CCN4: variants seen among roughly 807,000 people sequenced by gnomAD.
CCN4 encodes CCN family member 4.
CCN4 carries 30 observed loss-of-function variants against 36.7 expected under a neutral mutation model. That is an observed-to-expected ratio of 0.82 (90% CI 0.61 to 1.11). The LOEUF (loss-of-function observed/expected upper bound fraction) is 1.11. Ranked by LOEUF, CCN4 falls within the 50% of genes least tolerant of loss-of-function variation. The probability of loss-of-function intolerance (pLI) is 0.00; values close to 1 mark genes in which losing one functional copy is unlikely to be tolerated. For missense variants in CCN4, 505 were observed against 504.9 expected (o/e 1.00, Z 0.00); for synonymous variants, 191 against 195.4 (o/e 0.98, Z 0.19).
At position 133,229,361 on chromosome 8, in the gene CCN4, C is replaced by A. The variant is rs1854870053; in HGVS notation, c.*1651C>A. The A allele has an allele frequency of 6.6e-6, 1 of 152,190 alleles. No homozygotes were observed. Among genetic ancestry groups the A allele is most frequent in the Non-Finnish European group, 1.5e-5 (1 of 68,038 alleles). 9.4% of individuals were successfully genotyped at this position (152,190 alleles called of 1,614,324 possible). A position where few individuals can be genotyped will look rare whatever the true frequency, so the allele number is the denominator to read the frequency against. On this transcript the variant is annotated 3_prime_UTR_variant, in exon 5 of 5. Transcript: ENST00000250160. ...TTTCCCTCTTATAGTCTTTCTAGCT[C>A]CTTTTCAAAAGACGAGAATATCTGA...
intron 3 of CCN4, among the ~76,000 whole-genome samples, chr8:133,221,833 A>C (rs1487988004): frequency 6.6e-6 from 1 of 151,880 alleles, no homozygotes; most frequent in Non-Finnish European, 1.5e-5. Context: ...GAATAGATAG[A>C]TGGATTTATA....
At position 133,227,852 on chromosome 8, in the gene CCN4, T is replaced by G; in HGVS notation, c.*142T>G. 1.1e-6 allele frequency: 1 copy of G among 886,244 alleles called. No individual in the cohort carries two copies. The highest frequency in any genetic ancestry group is 1.7e-6 in the Non-Finnish European group (1 of 594,860). 54.9% of individuals were successfully genotyped at this position (886,244 alleles called of 1,614,324 possible). ...CCATTTCTGTCTCTAACCATTCAAATGACGCCTGATGGTGCTGCTCAGGCC... is the reference window on the plus strand; with the variant it reads ...CCATTTCTGTCTCTAACCATTCAAAGGACGCCTGATGGTGCTGCTCAGGCC... On this transcript the variant is annotated 3_prime_UTR_variant, in exon 5 of 5. Coordinates refer to ENST00000250160, the MANE Select transcript of CCN4 (RefSeq NM_003882.4).
chr8:133,207,003 A>G (rs901593309), intron 1 of CCN4, among the ~76,000 whole-genome samples: 7 of 152,164 alleles, frequency 4.6e-5, no homozygotes, highest in Admixed American at 1.3e-4. Flanking sequence ...GCGGGGGGGA[A>G]ACTATGGCTT....
chr8:133,212,619 G>A (rs1854094515), intron 1 of CCN4, among the ~76,000 whole-genome samples: 1 of 152,120 alleles, frequency 6.6e-6, no homozygotes, highest in African/African-American at 2.4e-5. Context: ...GTGGAATTTG[G>A]GCCCCACCGC....
chr8:133,210,671 C>T (rs1387797789), intron 1 of CCN4, among the ~76,000 whole-genome samples: 3 of 152,176 alleles, frequency 2.0e-5, no homozygotes, highest in Non-Finnish European at 4.4e-5. Flanking sequence ...AGAGAAGTCA[C>T]CCATATGTCC....
chr8:133,208,857 C>T (rs954980731), intron 1 of CCN4, among the ~76,000 whole-genome samples: 2 of 152,142 alleles, frequency 1.3e-5, no homozygotes, highest in African/African-American at 4.8e-5. Flanking sequence ...TAGTGCTGCA[C>T]CTGGCACAAA....
chr8:133,205,482 G>C (rs920123150), intron 1 of CCN4, among the ~76,000 whole-genome samples: 1 of 152,034 alleles, frequency 6.6e-6, no homozygotes, highest in Non-Finnish European at 1.5e-5. Context: ...AATGATGCAG[G>C]CTCCATATGA....
chr8:133,218,160 T>G (rs1442340133), intron 2 of CCN4, among the ~76,000 whole-genome samples: 1 of 152,138 alleles, frequency 6.6e-6, no homozygotes, highest in Non-Finnish European at 1.5e-5. Context: ...TTCGTGACCT[T>G]GAACAAACGA....
At chr8:133,208,198 G>T (rs1466094949) in intron 1 of CCN4, among the ~76,000 whole-genome samples, 5 of 152,130 alleles carry the variant, frequency 3.3e-5, no homozygotes, top group Admixed American at 3.3e-4. Context: ...GTCACTGAGG[G>T]CTAGGGCAAG....
intron 3 of CCN4, among the ~76,000 whole-genome samples, chr8:133,223,557 T>A (rs1232500726): frequency 6.6e-6 from 1 of 152,102 alleles, no homozygotes; most frequent in Non-Finnish European, 1.5e-5. Flanking sequence ...TCTCTTCTTT[T>A]CTGTGTTTAT....
At chr8:133,216,206 G>A (rs937583710) in intron 2 of CCN4, among the ~76,000 whole-genome samples, 4 of 152,102 alleles carry the variant, frequency 2.6e-5, no homozygotes, top group Admixed American at 6.6e-5. Flanking sequence ...CAGAACAAAC[G>A]GTTCCTCTAA....
At position 133,213,142 on chromosome 8, in the gene CCN4, A is replaced by G. The variant is rs780465263; in HGVS notation, c.348A>G (p.Ala116=). ...DRPRYAIGVC[A]QVVGVGCVLD... is the part of the protein sequence containing the mutation. Reference sequence around the variant, plus strand: ...CGAGGTACGCAATAGGAGTGTGTGCACGTAAGTGAGTCCTCCATACCTTCT... The same window carrying G: ...CGAGGTACGCAATAGGAGTGTGTGCGCGTAAGTGAGTCCTCCATACCTTCT... Residue 116 remains alanine, a splice_region_variant and synonymous_variant, in exon 2 of 5, where the codon GCA becomes GCG. Transcript: ENST00000250160. 1 of 1,469,526 alleles carries G rather than the reference A, an allele frequency of 6.8e-7. No homozygotes were observed. The highest frequency in any genetic ancestry group is 2.5e-5 in the East Asian group (1 of 39,934). 91.0% of individuals were successfully genotyped at this position (1,469,526 alleles called of 1,614,324 possible).
In CCN4 at chr8:133,227,465, C is replaced by T. The variant is rs760527768; in HGVS notation, c.859C>T (p.Leu287Phe). The T allele has an allele frequency of 2.5e-6, 4 of 1,614,198 alleles. No individual in the cohort carries two copies. The highest frequency in any genetic ancestry group is 1.1e-5 in the South Asian group (1 of 91,084). ...GCCAGAGGCATCCATGAACTTCACA[C>T]TTGCGGGCTGCATCAGCACACGCTC... ...YQPEASMNFT[L>F]AGCISTRSYQ... The change falls in exon 5 of 5, where the codon CTT becomes TTT. Residue 287 changes from leucine (L) to phenylalanine (F), a missense_variant. Leu to Phe is a conservative substitution (Grantham distance 22). Transcript: ENST00000250160.
Position 133,225,395 on chromosome 8 carries a change from G to C in CCN4, c.616G>C (p.Val206Leu), listed in dbSNP as rs558459884. ...APRDTGAFDA[V>L]GEVEAWHRNC... ...ATTCTGTTCCCCACACACAGATGCTGTGGGTGAGGTGGAGGCATGGCACAG... is the reference window on the plus strand; with the variant it reads ...ATTCTGTTCCCCACACACAGATGCTCTGGGTGAGGTGGAGGCATGGCACAG... The change falls in exon 4 of 5, where the codon GTG becomes CTG. Residue 206 changes from valine to leucine, a missense_variant. Physicochemically the swap from Val to Leu is conservative, Grantham distance 32. Transcript: ENST00000250160. The C allele has an allele frequency of 6.3e-7, 1 of 1,598,936 alleles. No individual in the cohort carries two copies.
At chr8:133,211,327 G>A (rs1854021209) in intron 1 of CCN4, among the ~76,000 whole-genome samples, 1 of 152,198 alleles carries the variant, frequency 6.6e-6, no homozygotes, top group African/African-American at 2.4e-5. Context: ...CCAATCATAG[G>A]GACTTTTAAC....
At chr8:133,194,981 A>C (rs554776148) in intron 1 of CCN4, among the ~76,000 whole-genome samples, 2 of 79,406 alleles carry the variant, frequency 2.5e-5, no homozygotes, top group East Asian at 8.4e-4. Context: ...GTGTGTGTTG[A>C]GTGTGTATGT....
At chr8:133,220,292 G>A (rs899920122) in intron 2 of CCN4, among the ~76,000 whole-genome samples, 4 of 152,308 alleles carry the variant, frequency 2.6e-5, no homozygotes, top group Middle Eastern at 3.4e-3. Flanking sequence ...ACCCTGCAGG[G>A]AGCAAACCAG....
At chr8:133,212,236 A>C (rs1340643715) in intron 1 of CCN4, among the ~76,000 whole-genome samples, 1 of 152,122 alleles carries the variant, frequency 6.6e-6, no homozygotes, top group Non-Finnish European at 1.5e-5. Context: ...AGGAAGCGCC[A>C]ACTCACTCCC....
Position 133,220,804 on chromosome 8 carries a change from G to A in CCN4, c.573G>A (p.Arg191=), listed in dbSNP as rs1351612194. The A allele has an allele frequency of 1.9e-6, 3 of 1,609,576 alleles. No individual in the cohort carries two copies. The African/African-American group carries it at 4.0e-5, about 22-fold the overall frequency. The change falls in exon 3 of 5, where the codon AGG becomes AGA. Residue 191 remains arginine, a synonymous_variant. Coordinates refer to ENST00000250160, the MANE Select transcript of CCN4 (RefSeq NM_003882.4). ...GGGTATGTGAGGACGACGCCAAGAG[G>A]CCACGCAAGACCGCACCCCGTGACA... The part of the protein sequence containing the change: ...EQWVCEDDAK[R]PRKTAPRDTG...
Sources: allele counts gnomAD v4.1 joint callset (sites outside exome capture counted in the v4.1 genomes callset), GRCh38; gene constraint gnomAD v4.1.1; transcripts MANE v1.5; gene names NCBI Gene and HGNC (gene_info 2026-07-23, HGNC 2026-07-21).